Variants in STAU2 observed in about 807,000 individuals in gnomAD.
STAU2 encodes the protein staufen double-stranded RNA binding protein 2.
A neutral mutation model predicts 65.9 loss-of-function variants in STAU2; 20 were observed. The ratio of observed to expected loss-of-function variants is 0.30; its 90% CI spans 0.21 to 0.44. The LOEUF is 0.44. STAU2 is among the 20% of genes least tolerant of loss of function. The probability of loss-of-function intolerance (pLI) is 1.00; values close to 1 mark genes in which losing one functional copy is unlikely to be tolerated. For missense variants in STAU2, 558 were observed against 683.9 expected (o/e 0.82, Z 2.05); for synonymous variants, 232 against 233.9 (o/e 0.99, Z 0.07).
chr8:73,613,449 C>T (rs564715690), intron 9 of STAU2, among the ~76,000 whole-genome samples: 4 of 152,164 alleles, frequency 2.6e-5, no homozygotes, highest in South Asian at 4.2e-4. Context: ...CTACCTTATA[C>T]GGTCATGAGG....
intron 13 of STAU2, among the ~76,000 whole-genome samples, chr8:73,490,837 G>A (rs1821122637): frequency 6.6e-6 from 1 of 151,728 alleles, no homozygotes; most frequent in Non-Finnish European, 1.5e-5. Flanking sequence ...TTAACAAATA[G>A]TTCATCTGGA....
intron 13 of STAU2, among the ~76,000 whole-genome samples, chr8:73,442,915 C>A (rs1344645768): frequency 1.3e-5 from 2 of 152,174 alleles, no homozygotes; most frequent in Non-Finnish European, 2.9e-5. Flanking sequence ...TCACGCTAAA[C>A]TTCATTCTTG....
At chr8:73,647,845 G>C (rs1356170399) in intron 6 of STAU2, among the ~76,000 whole-genome samples, 1 of 152,162 alleles carries the variant, frequency 6.6e-6, no homozygotes, top group Non-Finnish European at 1.5e-5. Flanking sequence ...CCTTTCAAAA[G>C]AGCTAAGATT....
At chr8:73,714,950 G>A (rs1298064689) in intron 3 of STAU2, among the ~76,000 whole-genome samples, 2 of 151,346 alleles carry the variant, frequency 1.3e-5, no homozygotes, top group Non-Finnish European at 2.9e-5. Flanking sequence ...GCATGATGGC[G>A]GGTGCCTGTA....
At chr8:73,465,155 C>T (rs1819580523) in intron 13 of STAU2, among the ~76,000 whole-genome samples, 1 of 152,200 alleles carries the variant, frequency 6.6e-6, no homozygotes, top group Admixed American at 6.5e-5. Context: ...CCCACCCCGG[C>T]CCACACTGAC....
intron 5 of STAU2, among the ~76,000 whole-genome samples, chr8:73,679,738 A>AAT (rs1563501311): frequency 6.7e-6 from 1 of 149,926 alleles, no homozygotes; most frequent in Non-Finnish European, 1.5e-5. Context: ...AAAAAAAAAA[A>AAT]TTAGCTGGGC....
At chr8:73,603,646 T>C (rs765129324) in intron 10 of STAU2, 80 bp downstream of exon 10, 5 of 1,524,790 alleles carry the variant, frequency 3.3e-6, no homozygotes, top group Non-Finnish European at 3.5e-6. Context: ...TCTTAAGTCC[T>C]AGTTTGCCTT....
At chr8:73,450,642 C>A (rs1439108911) in intron 13 of STAU2, among the ~76,000 whole-genome samples, 1 of 152,218 alleles carries the variant, frequency 6.6e-6, no homozygotes, top group Admixed American at 6.5e-5. Flanking sequence ...TGATTTTCAT[C>A]ATCCTTCTGA....
At chr8:73,523,366 A>C (rs2128929377) in intron 13 of STAU2, among the ~76,000 whole-genome samples, 1 of 152,212 alleles carries the variant, frequency 6.6e-6, no homozygotes, top group South Asian at 2.1e-4. Flanking sequence ...ACATTTTCTC[A>C]GAATCAGGAC....
chr8:73,699,435 G>T (rs866048813), intron 4 of STAU2, among the ~76,000 whole-genome samples: 1 of 151,004 alleles, frequency 6.6e-6, no homozygotes, highest in Non-Finnish European at 1.5e-5. Flanking sequence ...GCCAGACTAA[G>T]AAAAAAAGAA....
chr8:73,601,919 T>C (rs1389606468), intron 10 of STAU2, among the ~76,000 whole-genome samples: 1 of 152,228 alleles, frequency 6.6e-6, no homozygotes, highest in East Asian at 1.9e-4. Flanking sequence ...TCCAGAATTC[T>C]TCAAAGTTAA....
chr8:73,585,147 C>G (rs1810268290), intron 11 of STAU2, among the ~76,000 whole-genome samples: 1 of 151,466 alleles, frequency 6.6e-6, no homozygotes, highest in Non-Finnish European at 1.5e-5. Flanking sequence ...TTTTATTTGA[C>G]TAAACTAATT....
intron 13 of STAU2, among the ~76,000 whole-genome samples, chr8:73,542,843 G>A (rs1205678215): frequency 6.6e-6 from 1 of 152,126 alleles, no homozygotes; most frequent in Non-Finnish European, 1.5e-5. Context: ...GGAATGTAAT[G>A]TATGTAATAC....
intron 12 of STAU2, among the ~76,000 whole-genome samples, chr8:73,578,838 C>A (rs1010243188): frequency 1.3e-5 from 2 of 152,176 alleles, no homozygotes; most frequent in Non-Finnish European, 2.9e-5. Flanking sequence ...TTTTAACTGT[C>A]TCACTACAAA....
intron 13 of STAU2, chr8:73,549,590 G>A (rs1585983946): frequency 1.1e-5 from 8 of 745,524 alleles, no homozygotes; most frequent in Non-Finnish European, 1.3e-5. Flanking sequence ...AAAATTAAAA[G>A]TTAAAACAAC....
intron 6 of STAU2, among the ~76,000 whole-genome samples, chr8:73,621,356 C>T (rs56113934): frequency 0.21 from 32,183 of 152,028 alleles, 3,803 homozygotes; most frequent in East Asian, 0.37. Flanking sequence ...CATCCTGAGG[C>T]CTCCCCAGCC....
chr8:73,709,304 T>A, intron 3 of STAU2, 142 bp from the exon 4 acceptor site: 2 of 722,624 alleles, frequency 2.8e-6, no homozygotes. Flanking sequence ...TTACCTAATG[T>A]CTTCCATTAC....
At chr8:73,666,395 T>C (rs1449106439) in intron 6 of STAU2, among the ~76,000 whole-genome samples, 1 of 152,234 alleles carries the variant, frequency 6.6e-6, no homozygotes, top group Non-Finnish European at 1.5e-5. Flanking sequence ...TCTTTCGCCC[T>C]ATCAAATTTC....
At chr8:73,426,039 T>C (rs55761206) in intron 13 of STAU2, among the ~76,000 whole-genome samples, 19,749 of 152,194 alleles carry the variant, frequency 0.13, 3,753 homozygotes, top group African/African-American at 0.42. Flanking sequence ...GTGATCCACC[T>C]GCCCCAGCCT....
Sources: gnomAD v4.1 joint callset for allele counts (sites outside exome capture counted in the v4.1 genomes callset) on GRCh38, gnomAD v4.1.1 for gene constraint, MANE v1.5 for transcripts, NCBI Gene and HGNC (gene_info 2026-07-23, HGNC 2026-07-21) for gene names.